Variants in GOLGA6L9 observed in about 807,000 individuals in gnomAD.
GOLGA6L9 encodes the protein golgin A6 family like 9, also known as golgin subfamily A member 6-like protein 9.
Under a neutral mutation model 51.3 loss-of-function variants are expected in GOLGA6L9, and 19 were observed. That is an observed-to-expected ratio of 0.37 (90% CI 0.26 to 0.54). The LOEUF is 0.54. GOLGA6L9 is among the 20% of genes least tolerant of loss of function. GOLGA6L9 has a pLI of 0.83. For missense variants in GOLGA6L9, 247 were observed against 464.1 expected, an observed-to-expected ratio of 0.53 and a Z score of 4.30; for synonymous variants, 97 against 184.2, an observed-to-expected ratio of 0.53 and a Z score of 3.83.
At chr15:82,424,336 T>C in the GOLGA6L9 span, among the ~76,000 whole-genome samples, 1 of 151,928 alleles carries the variant, frequency 6.6e-6, no homozygotes, top group South Asian at 2.1e-4. Flanking sequence ...CCTCCCAGAG[T>C]GCTGGGATTA....
chr15:82,416,795 C>G, the GOLGA6L9 span, among the ~76,000 whole-genome samples: 1 of 152,156 alleles, frequency 6.6e-6, no homozygotes, highest in African/African-American at 2.4e-5. Flanking sequence ...TATCTTTGAG[C>G]TATGATTCTA....
upstream of GOLGA6L9, among the ~76,000 whole-genome samples, chr15:82,428,977 G>A (rs1235776062): frequency 6.0e-3 from 919 of 152,180 alleles, 6 homozygotes; most frequent in Non-Finnish European, 9.3e-3. Context: ...GGTGATTCTA[G>A]AAAAATGGGC....
In GOLGA6L9 at chr15:82,429,918, T is replaced by A. The variant is rs1252047624; in HGVS notation, c.-162T>A. ...ACATGCTGCGCCTGGCCACGCCTCCTTTCCCTTTCATCTTTCTCACTGACC... is the reference window on the plus strand; with the variant it reads ...ACATGCTGCGCCTGGCCACGCCTCCATTCCCTTTCATCTTTCTCACTGACC... On this transcript the variant is annotated 5_prime_UTR_variant, in exon 1 of 9. Coordinates refer to ENST00000618348, the MANE Select transcript of GOLGA6L9 (RefSeq NM_198181.4). The A allele has an allele frequency of 9.4e-5, 86 of 912,906 alleles. No homozygotes were observed. Among genetic ancestry groups the A allele is most frequent in the Non-Finnish European group, 1.5e-4 (82 of 549,874 alleles). 56.6% of individuals were successfully genotyped at this position (912,906 alleles called of 1,614,324 possible).
At chr15:82,417,886 T>G in the GOLGA6L9 span, among the ~76,000 whole-genome samples, 2 of 152,252 alleles carry the variant, frequency 1.3e-5, no homozygotes, top group Non-Finnish European at 2.9e-5. Flanking sequence ...CTTAGCCCAG[T>G]GGCAGATTTA....
intron 7 of GOLGA6L9, chr15:82,435,299 C>T: frequency 3.6e-6 from 1 of 275,180 alleles, no homozygotes; most frequent in Non-Finnish European, 6.8e-6. Flanking sequence ...AGTTTGAGAC[C>T]AACATGGCCA....
Position 82,432,576 on chromosome 15 carries a change from C to A in GOLGA6L9, c.209C>A (p.Ala70Glu). Reference sequence around the variant, plus strand: ...GTGCACTCTCATCTCTTGGAGTCAGCAACAGGTATCTACGGGGAGGGCCGT... The same window carrying A: ...GTGCACTCTCATCTCTTGGAGTCAGAAACAGGTATCTACGGGGAGGGCCGT... ...SGGYHSPGDS[A>E]TGIYGEGRAS... Residue 70 changes from alanine to glutamate, a missense_variant, in exon 3 of 9, where the codon GCA becomes GAA. Physicochemically the swap from Ala to Glu is moderately radical, Grantham distance 107. Around this residue, in one of 9 missense-constraint regions of GOLGA6L9, gnomAD observed 74 missense variants for 91.2 expected, o/e 0.81. Transcript: ENST00000618348. The A allele has an allele frequency of 1.9e-6, 3 of 1,603,322 alleles. No individual in the cohort carries two copies. In the South Asian group the frequency reaches 3.3e-5, roughly 18 times the overall value.
chr15:82,424,418 A>G, the GOLGA6L9 span, among the ~76,000 whole-genome samples: 6 of 152,322 alleles, frequency 3.9e-5, no homozygotes, highest in African/African-American at 1.2e-4. Flanking sequence ...TTTCCAGGTG[A>G]ATAAAACCTT....
At chr15:82,418,512 G>A in the GOLGA6L9 span, 1 of 152,196 alleles carries the variant, frequency 6.6e-6, no homozygotes, top group African/African-American at 2.4e-5. Context: ...CATGCTATCT[G>A]TGTATTTTGA....
the GOLGA6L9 span, chr15:82,416,026 A>G: frequency 6.6e-6 from 1 of 152,222 alleles, no homozygotes; most frequent in African/African-American, 2.4e-5. Context: ...CTAAGCATGG[A>G]CTTAATTTCT....
the GOLGA6L9 span, chr15:82,418,908 G>T: frequency 6.6e-6 from 1 of 152,226 alleles, no homozygotes; most frequent in African/African-American, 2.4e-5. Flanking sequence ...CTTCTGCCCT[G>T]ATTCTTTGGA....
the GOLGA6L9 span, chr15:82,419,962 GT>G: frequency 2.8e-6 from 1 of 354,550 alleles, no homozygotes; most frequent in Non-Finnish European, 5.6e-6. Context: ...TTCTAGAGAT[GT>G]TTTGTTCTTC....
rs890759290 is a variant in GOLGA6L9 at position 82,438,167 on chromosome 15, G to A, written c.*1756G>A. On this transcript the variant is annotated 3_prime_UTR_variant, in exon 9 of 9. Transcript: ENST00000618348. The stretch of plus-strand genomic sequence containing the variant: ...TAATACATTGATAAATTATTTCAAA[G>A]GTATTTTTATAGTTCAAATCGCTTC... 1.3e-4 allele frequency: 19 copies of A among 148,358 alleles called. No individual in the cohort carries two copies. Among genetic ancestry groups the A allele is most frequent in the African/African-American group, 4.8e-4 (19 of 39,958 alleles). 9.2% of individuals were successfully genotyped at this position (148,358 alleles called of 1,614,324 possible).
At chr15:82,430,416 C>A in intron 1 of GOLGA6L9, 1 of 112,308 alleles carries the variant, frequency 8.9e-6, no homozygotes, top group Non-Finnish European at 1.5e-5. Flanking sequence ...CCATAATCAG[C>A]CCTCACCTCC....
upstream of GOLGA6L9, among the ~76,000 whole-genome samples, chr15:82,427,294 C>T (rs2031226316): frequency 2.5e-5 from 3 of 120,068 alleles, no homozygotes; most frequent in African/African-American, 3.8e-5. Context: ...TTTTCTTTTC[C>T]CTCCCTCCCT....
chr15:82,421,447 CAATG>C, the GOLGA6L9 span, among the ~76,000 whole-genome samples: 4 of 146,072 alleles, frequency 2.7e-5, no homozygotes, highest in African/African-American at 1.0e-4. Context: ...TTGTTAGAAA[CAATG>C]AATATGTTTC....
the GOLGA6L9 span, among the ~76,000 whole-genome samples, chr15:82,419,605 G>A: frequency 6.6e-6 from 1 of 151,894 alleles, no homozygotes; most frequent in Non-Finnish European, 1.5e-5. Context: ...AGCTGAGATG[G>A]TGCCACCGCA....
At chr15:82,417,748 A>G in the GOLGA6L9 span, among the ~76,000 whole-genome samples, 1 of 152,194 alleles carries the variant, frequency 6.6e-6, no homozygotes, top group African/African-American at 2.4e-5. Flanking sequence ...AAATTTGAAG[A>G]TCAAGTGTGG....
rs1344827820 is a variant in GOLGA6L9 at position 82,436,702 on chromosome 15, C to A, written c.*291C>A. 1 of 213,440 alleles carries A rather than the reference C, an allele frequency of 4.7e-6. No homozygotes were observed. The highest frequency in any genetic ancestry group is 5.6e-5 in the Admixed American group (1 of 17,796). 13.2% of individuals were successfully genotyped at this position (213,440 alleles called of 1,614,324 possible). On this transcript the variant is annotated 3_prime_UTR_variant, in exon 9 of 9. Coordinates refer to ENST00000618348, the MANE Select transcript of GOLGA6L9 (RefSeq NM_198181.4). ...AGTGGGTCTTTCTCTCATGTTCACT[C>A]TGGCATCTTTTAGCATTTCTTTAAT...
the GOLGA6L9 span, chr15:82,419,098 CTCT>C: frequency 6.3e-6 from 1 of 159,634 alleles, no homozygotes; most frequent in African/African-American, 2.4e-5. Flanking sequence ...CTTACGTGTT[CTCT>C]TCTTGTCTTT....
Sources: gnomAD v4.1 joint callset for allele counts (sites outside exome capture counted in the v4.1 genomes callset) on GRCh38, gnomAD v4.1.1 for gene constraint, gnomAD v4.1.1 regional missense constraint, MANE v1.5 for transcripts, NCBI Gene and HGNC (gene_info 2026-07-23, HGNC 2026-07-21) for gene names.